The following GABPB1 variants were observed in gnomAD, a reference collection of about 807,000 sequenced individuals.
The protein encoded by GABPB1 is GA binding protein transcription factor subunit beta 1, also known as GA-binding protein subunit beta-1.
A neutral mutation model predicts 45.9 loss-of-function variants in GABPB1; 15 were observed. The ratio of observed to expected loss-of-function variants is 0.33; its 90% CI spans 0.22 to 0.50. The LOEUF (loss-of-function observed/expected upper bound fraction) is 0.50, where lower values mean the gene tolerates loss of function less well. GABPB1 is among the 20% of genes least tolerant of loss of function. The pLI, the probability that GABPB1 is intolerant of heterozygous loss-of-function variation, is 0.98. For synonymous variants in GABPB1, 143 were observed against 154.4 expected (o/e 0.93, Z 0.55); for missense variants, 252 against 457.5 (o/e 0.55, Z 4.10).
chr15:50,297,221 T>G, intron 6 of GABPB1, among the ~76,000 whole-genome samples: 1 of 150,278 alleles, frequency 6.7e-6, no homozygotes, highest in Non-Finnish European at 1.5e-5. Context: ...ATTACTTCTT[T>G]TTTTTTTTTG....
At chr15:50,335,926 G>A (rs1400183273) in intron 1 of GABPB1, among the ~76,000 whole-genome samples, 1 of 140,530 alleles carries the variant, frequency 7.1e-6, no homozygotes, top group Non-Finnish European at 1.5e-5. Flanking sequence ...AAGAAGACTG[G>A]TCTAATCTAG....
At chr15:50,321,704 A>G (rs1239175813) in intron 1 of GABPB1, among the ~76,000 whole-genome samples, 1 of 42,718 alleles carries the variant, frequency 2.3e-5, no homozygotes, top group East Asian at 2.2e-4. Flanking sequence ...TCCGTCTCAG[A>G]AAAAAAAAAA....
intron 1 of GABPB1, chr15:50,346,249 A>G (rs1483305732): frequency 1.3e-5 from 2 of 152,214 alleles, no homozygotes; most frequent in Non-Finnish European, 2.9e-5. Flanking sequence ...TTAAAGAGGA[A>G]GAAGGAATAT....
intron 2 of GABPB1, among the ~76,000 whole-genome samples, chr15:50,307,919 T>C (rs8028745): frequency 0.076 from 11,595 of 152,176 alleles, 1,340 homozygotes; most frequent in African/African-American, 0.25. Flanking sequence ...TATGATCAGA[T>C]GTTAGACTTT....
intron 1 of GABPB1, among the ~76,000 whole-genome samples, chr15:50,314,034 T>G (rs911409212): frequency 6.6e-6 from 1 of 152,170 alleles, no homozygotes; most frequent in Non-Finnish European, 1.5e-5. Flanking sequence ...AATAAAATCA[T>G]GAAGCATTTG....
chr15:50,302,942 G>A lies in GABPB1; in HGVS notation c.458C>T (p.Ala153Val). ...ISIDNGNEDLAEILQIAMQNQ... is the reference protein window; with the variant it reads ...ISIDNGNEDLVEILQIAMQNQ... ...GCCAAAAGTTACCTGTAATATCTCT[G>A]CTAAATCTTCATTTCCATTGTCTAT... Residue 153 changes from alanine (A) to valine (V), a missense_variant, in exon 4 of 9, where the codon GCA becomes GTA. Ala to Val is a moderately conservative substitution (Grantham distance 64). Around this residue, in one of 4 missense-constraint regions of GABPB1, gnomAD observed 193 missense variants for 259.9 expected, o/e 0.74. Coordinates refer to ENST00000380877, the MANE Select transcript of GABPB1 (RefSeq NM_016654.5). 1 of 1,611,006 alleles carries A rather than the reference G, an allele frequency of 6.2e-7. No homozygotes were observed. The highest frequency in any genetic ancestry group is 8.5e-7 in the Non-Finnish European group (1 of 1,178,100).
intron 1 of GABPB1, among the ~76,000 whole-genome samples, chr15:50,334,321 C>G (rs2048043263): frequency 6.6e-6 from 1 of 151,968 alleles, no homozygotes; most frequent in African/African-American, 2.4e-5. Flanking sequence ...TCACTCTATC[C>G]CCATATCTCT....
At chr15:50,353,805 T>C (rs2048959074) in intron 1 of GABPB1, 1 of 152,498 alleles carries the variant, frequency 6.6e-6, no homozygotes, top group South Asian at 2.0e-4. Flanking sequence ...GAGATGGCAA[T>C]GTACTTTACA....
At chr15:50,292,314 CA>C (rs762047613) in intron 6 of GABPB1, among the ~76,000 whole-genome samples, 5,744 of 49,682 alleles carry the variant, frequency 0.12, 94 homozygotes, top group East Asian at 0.23. Context: ...GACTCCATCT[CA>C]AAAAAAAAAA....
chr15:50,342,889 T>C (rs911039883), intron 1 of GABPB1, among the ~76,000 whole-genome samples: 1 of 152,154 alleles, frequency 6.6e-6, no homozygotes, highest in Non-Finnish European at 1.5e-5. Flanking sequence ...GGACTTAACA[T>C]TTGTTTTTGT....
intron 1 of GABPB1, among the ~76,000 whole-genome samples, chr15:50,334,819 A>C (rs1484251502): frequency 6.6e-6 from 1 of 152,000 alleles, no homozygotes; most frequent in African/African-American, 2.4e-5. Context: ...CCTGTTCCCT[A>C]TTCTCAAATT....
rs939216397 is a variant in GABPB1, at chr15:50,277,167, A to G, written c.*1465T>C. On this transcript the variant is annotated 3_prime_UTR_variant, in exon 9 of 9. Transcript: ENST00000380877. ...AAAGTCATGTTGTGGAGAGTATAAA[A>G]TATTTTCATATGGTGGCTCAAATAT... The G allele has an allele frequency of 4.6e-5, 7 of 152,316 alleles. No homozygotes were observed. Among genetic ancestry groups the G allele is most frequent in the African/African-American group, 1.4e-4 (6 of 41,576 alleles). 9.4% of individuals were successfully genotyped at this position (152,316 alleles called of 1,614,324 possible). A position where few individuals can be genotyped will look rare whatever the true frequency, so the allele number is the denominator to read the frequency against.
intron 1 of GABPB1, among the ~76,000 whole-genome samples, chr15:50,337,206 T>G (rs45508400): frequency 0.29 from 42,085 of 146,494 alleles, 7,511 homozygotes; most frequent in Middle Eastern, 0.42. Context: ...TTCCCAAAGC[T>G]CCAGACTTCA....
Position 50,286,131 on chromosome 15 carries a change from T to C in GABPB1, c.936A>G (p.Glu312=), listed in dbSNP as rs1338102971. 2 of 1,611,058 alleles carry C rather than the reference T, an allele frequency of 1.2e-6. No homozygotes were observed. The highest frequency in any genetic ancestry group is 2.7e-5 in the African/African-American group (2 of 74,826). Residue 312 remains glutamate, a synonymous_variant, in exon 8 of 9, where the codon GAA becomes GAG. Coordinates refer to ENST00000380877, the MANE Select transcript of GABPB1 (RefSeq NM_016654.5). ...DIAEETVISE[E]PPAKRQCIEI... ...CGATACATTGTCTCTTAGCTGGTGG[T>C]TCTTCACTTATAACAGTTTCTTCAG...
At chr15:50,328,707 G>A (rs913663164) in intron 1 of GABPB1, among the ~76,000 whole-genome samples, 1 of 152,070 alleles carries the variant, frequency 6.6e-6, no homozygotes, top group Non-Finnish European at 1.5e-5. Flanking sequence ...GGCTCCATGG[G>A]AATATCCAAT....
chr15:50,330,673 C>T (rs550247970), intron 1 of GABPB1, among the ~76,000 whole-genome samples: 1 of 152,322 alleles, frequency 6.6e-6, no homozygotes, highest in East Asian at 1.9e-4. Flanking sequence ...AAATGCTATA[C>T]TTCAATCAAA....
At chr15:50,295,911 T>C (rs2046494041) in intron 6 of GABPB1, among the ~76,000 whole-genome samples, 2 of 152,198 alleles carry the variant, frequency 1.3e-5, no homozygotes, top group Non-Finnish European at 2.9e-5. Context: ...AGAGGTATCA[T>C]TTGATTTCTC....
chr15:50,288,600 G>A (rs2046242409), intron 7 of GABPB1, among the ~76,000 whole-genome samples: 1 of 152,094 alleles, frequency 6.6e-6, no homozygotes, highest in Admixed American at 6.5e-5. Context: ...ATTTCTATGA[G>A]AGTCCTCTTG....
chr15:50,352,210 T>C (rs1408073011), intron 1 of GABPB1: 1 of 152,090 alleles, frequency 6.6e-6, no homozygotes, highest in Non-Finnish European at 1.5e-5. Context: ...CTTTACCTGT[T>C]ACCTGTTAAT....
Sources: allele counts gnomAD v4.1 joint callset (sites outside exome capture counted in the v4.1 genomes callset), GRCh38; gene constraint gnomAD v4.1.1; regional missense constraint gnomAD v4.1.1; transcripts MANE v1.5; gene names NCBI Gene and HGNC (gene_info 2026-07-23, HGNC 2026-07-21).